The following KAZN variants were observed in gnomAD, a reference collection of about 807,000 sequenced individuals.
The protein encoded by KAZN is kazrin.
In KAZN, 40 loss-of-function variants were observed where a neutral mutation model predicts 87.4. That is an observed-to-expected ratio of 0.46 (90% confidence interval 0.36 to 0.60). The LOEUF is 0.60. Among genes scored for constraint, KAZN ranks in the 20% least tolerant of loss-of-function variants. KAZN has a pLI of 0.00. For missense variants in KAZN, 898 were observed against 1,073.9 expected (o/e 0.84, Z 2.29); for synonymous variants, 466 against 458.3 (o/e 1.02, Z -0.22).
intron 1 of KAZN, among the ~76,000 whole-genome samples, chr1:14,167,238 A>G (rs539074059): frequency 6.6e-6 from 1 of 152,334 alleles, no homozygotes; most frequent in Admixed American, 6.5e-5. Context: ...TGTGCATTTT[A>G]TCCTAAAATT....
In KAZN at chr1:14,589,742, G is replaced by A. The variant is rs202063271; in HGVS notation, c.250-9241G>A. Among the ~76,000 whole-genome samples the A allele has an allele frequency of 3.9e-5, 6 of 152,252 alleles. No homozygotes were observed. In the East Asian group the frequency reaches 9.7e-4, roughly 25 times the overall value. On this transcript the variant is annotated intron_variant, in intron 2 of 16. Transcript: ENST00000636203. ...TTAGAGTCTTCATTCCTCTGGTCTT[G>A]TGGTACCTAATATAATGTTTCCTCT...
At chr1:14,458,276 C>T (rs1472072013) in intron 2 of KAZN, among the ~76,000 whole-genome samples, 1 of 152,158 alleles carries the variant, frequency 6.6e-6, no homozygotes, top group African/African-American at 2.4e-5. Context: ...AGCAACCTTG[C>T]TAAACTCTTT....
At chr1:15,044,325 A>G (rs1229305391) in intron 4 of KAZN, among the ~76,000 whole-genome samples, 166 bp downstream of exon 4, 1 of 152,168 alleles carries the variant, frequency 6.6e-6, no homozygotes, top group Non-Finnish European at 1.5e-5. Context: ...GCTTTCTGCA[A>G]TGCATCATAA....
intron 1 of KAZN, among the ~76,000 whole-genome samples, chr1:13,907,323 G>A (rs1171051602): frequency 6.6e-6 from 1 of 152,172 alleles, no homozygotes; most frequent in Non-Finnish European, 1.5e-5. Context: ...ATAGTGAGGT[G>A]GAGTGGCCCC....
chr1:14,340,515 C>G (rs1212249920), intron 2 of KAZN, among the ~76,000 whole-genome samples: 3 of 152,222 alleles, frequency 2.0e-5, no homozygotes, highest in Non-Finnish European at 4.4e-5. Context: ...TTCTTAACTT[C>G]TTTAAGCCTG....
chr1:14,861,100 G>A (rs528932408), intron 1 of KAZN, among the ~76,000 whole-genome samples: 61 of 152,288 alleles, frequency 4.0e-4, no homozygotes, highest in South Asian at 1.0e-3. Context: ...TAGCAAAGCC[G>A]GGTGCAGTGG....
chr1:14,739,304 C>T (rs1205985225), intron 1 of KAZN, among the ~76,000 whole-genome samples: 3 of 152,146 alleles, frequency 2.0e-5, no homozygotes, highest in Non-Finnish European at 2.9e-5. Flanking sequence ...ATTTTAAATC[C>T]GGGACTGTGT....
intron 1 of KAZN, among the ~76,000 whole-genome samples, chr1:14,958,116 C>A (rs59243784): frequency 0.086 from 13,068 of 152,274 alleles, 1,824 homozygotes; most frequent in African/African-American, 0.29. Flanking sequence ...TGCTCCCTCC[C>A]CTGGACCTGG....
intron 1 of KAZN, among the ~76,000 whole-genome samples, chr1:14,883,325 A>AAAAGC (rs1653566917): frequency 2.5e-5 from 1 of 39,572 alleles, no homozygotes; most frequent in African/African-American, 6.3e-5. Context: ...AGAAAGAGAG[A>AAAAGC]GAGAGAGAGA....
intron 1 of KAZN, among the ~76,000 whole-genome samples, chr1:14,131,698 A>G (rs7540087): frequency 0.57 from 86,578 of 151,658 alleles, 25,940 homozygotes; most frequent in East Asian, 0.76. Flanking sequence ...AATTGAGCTA[A>G]AAGAGGAATT....
At chr1:14,240,286 G>C (rs2100574125) in intron 2 of KAZN, among the ~76,000 whole-genome samples, 1 of 152,334 alleles carries the variant, frequency 6.6e-6, no homozygotes. Flanking sequence ...GGTGAGGTCA[G>C]CTCCCTGGTA....
intron 1 of KAZN, among the ~76,000 whole-genome samples, chr1:14,722,890 C>G (rs1410644235): frequency 1.3e-5 from 2 of 152,098 alleles, no homozygotes; most frequent in Non-Finnish European, 2.9e-5. Flanking sequence ...CTTTGGGAGA[C>G]TGAGGTGGGA....
intron 1 of KAZN, among the ~76,000 whole-genome samples, chr1:13,896,986 CTGG>C (rs1639068471): frequency 6.6e-6 from 1 of 152,132 alleles, no homozygotes; most frequent in Non-Finnish European, 1.5e-5. Flanking sequence ...GCATGAAGGT[CTGG>C]TGGGGCCATG....
chr1:14,920,286 T>TTTG (rs1553156432), intron 1 of KAZN, among the ~76,000 whole-genome samples: 1 of 147,116 alleles, frequency 6.8e-6, no homozygotes, highest in Non-Finnish European at 1.5e-5. Context: ...GTTTTTTTTT[T>TTTG]TTTTTTTTTT....
intron 1 of KAZN, among the ~76,000 whole-genome samples, chr1:14,933,525 G>A (rs1462577648): frequency 6.6e-6 from 1 of 152,110 alleles, no homozygotes; most frequent in Non-Finnish European, 1.5e-5. Context: ...TTTAAACAGG[G>A]CTCCCTCACA....
At chr1:14,453,200 C>A (rs1046706126) in intron 2 of KAZN, among the ~76,000 whole-genome samples, 2 of 152,076 alleles carry the variant, frequency 1.3e-5, no homozygotes, top group Non-Finnish European at 1.5e-5. Context: ...CGTGATCCGC[C>A]CGCCTCGGCC....
intron 2 of KAZN, among the ~76,000 whole-genome samples, chr1:14,225,773 C>A (rs965766233): frequency 6.6e-6 from 1 of 152,088 alleles, no homozygotes; most frequent in East Asian, 1.9e-4. Context: ...AATGCCTATT[C>A]AATAAGTGGT....
chr1:14,558,560 A>G (rs1264860422), intron 2 of KAZN, among the ~76,000 whole-genome samples: 1 of 152,174 alleles, frequency 6.6e-6, no homozygotes, highest in Non-Finnish European at 1.5e-5. Context: ...CTTTTTGAAC[A>G]TAGAGTCATG....
At chr1:14,700,972 G>A (rs1641888761) in intron 1 of KAZN, among the ~76,000 whole-genome samples, 1 of 152,240 alleles carries the variant, frequency 6.6e-6, no homozygotes, top group African/African-American at 2.4e-5. Context: ...AGCAATGTGA[G>A]TGGGCTTCAA....
Sources: allele counts gnomAD v4.1 joint callset (sites outside exome capture counted in the v4.1 genomes callset), GRCh38; gene constraint gnomAD v4.1.1; transcripts MANE v1.5; gene names NCBI Gene and HGNC (gene_info 2026-07-23, HGNC 2026-07-21).